GPHN: variants seen among roughly 807,000 people sequenced by gnomAD.
GPHN encodes gephyrin.
In GPHN, 17 loss-of-function variants were observed where a neutral mutation model predicts 95.5. That is an observed-to-expected ratio of 0.18 (90% CI 0.12 to 0.27). The LOEUF (loss-of-function observed/expected upper bound fraction) is 0.27. Ranked by LOEUF, GPHN falls within the 10% of genes least tolerant of loss-of-function variation. The pLI is 1.00. For missense variants in GPHN, 660 were observed against 978.1 expected, an observed-to-expected ratio of 0.67 and a Z score of 4.34; for synonymous variants, 320 against 322.5, an observed-to-expected ratio of 0.99 and a Z score of 0.08.
chr14:67,458,530 A>T, the GPHN span, among the ~76,000 whole-genome samples: 1 of 152,090 alleles, frequency 6.6e-6, no homozygotes, highest in African/African-American at 2.4e-5. Flanking sequence ...ATCTCGACTG[A>T]TACTAGTCAA....
chr14:66,548,060 T>G (rs2059667198), intron 1 of GPHN, among the ~76,000 whole-genome samples: 1 of 152,136 alleles, frequency 6.6e-6, no homozygotes, highest in Non-Finnish European at 1.5e-5. Flanking sequence ...TTTAACAACG[T>G]GTACTCACTT....
the GPHN span, chr14:67,382,597 T>G: frequency 4.8e-4 from 770 of 1,613,454 alleles, no homozygotes; most frequent in Non-Finnish European, 6.4e-4. Flanking sequence ...GGAGGTGAGA[T>G]CAATAGATTC....
At chr14:66,666,143 C>T (rs2065941151) in intron 1 of GPHN, among the ~76,000 whole-genome samples, 1 of 151,750 alleles carries the variant, frequency 6.6e-6, no homozygotes, top group Non-Finnish European at 1.5e-5. Context: ...GGAGATATAC[C>T]TAATGTAAAT....
chr14:66,591,630 A>G (rs2061653541), intron 1 of GPHN, among the ~76,000 whole-genome samples: 1 of 152,204 alleles, frequency 6.6e-6, no homozygotes, highest in Admixed American at 6.5e-5. Flanking sequence ...GTACAACTAC[A>G]AACCACTGCT....
chr14:66,616,823 G>A (rs988313877), intron 1 of GPHN, among the ~76,000 whole-genome samples: 5 of 151,940 alleles, frequency 3.3e-5, no homozygotes, highest in East Asian at 1.9e-4. Context: ...TTCTTCTGCC[G>A]CAGTCTCCCA....
chr14:66,518,609 G>A (rs6573680), intron 1 of GPHN, among the ~76,000 whole-genome samples: 77,854 of 151,870 alleles, frequency 0.51, 23,064 homozygotes, highest in African/African-American at 0.82. Flanking sequence ...AGATTAATGG[G>A]CAAAGAAATT....
chr14:66,531,322 A>T (rs1227525036), intron 1 of GPHN, among the ~76,000 whole-genome samples: 1 of 152,066 alleles, frequency 6.6e-6, no homozygotes, highest in East Asian at 1.9e-4. Context: ...ATTTTAAAAA[A>T]TTGCCAGGAG....
chr14:67,503,147 G>C, the GPHN span, among the ~76,000 whole-genome samples: 1 of 152,152 alleles, frequency 6.6e-6, no homozygotes, highest in South Asian at 2.1e-4. Flanking sequence ...ACTGTCCTTT[G>C]CATAAAAGCA....
chr14:67,434,786 G>T, the GPHN span, among the ~76,000 whole-genome samples: 1 of 152,102 alleles, frequency 6.6e-6, no homozygotes, highest in East Asian at 1.9e-4. Flanking sequence ...AATTTATAAA[G>T]AAAAGGGATT....
At chr14:66,925,571 T>G (rs2066442780) in intron 8 of GPHN, among the ~76,000 whole-genome samples, 1 of 152,210 alleles carries the variant, frequency 6.6e-6, no homozygotes, top group Admixed American at 6.5e-5. Flanking sequence ...TAACAGTGTC[T>G]TCCAGTTCCA....
chr14:67,659,397 G>T, the GPHN span, among the ~76,000 whole-genome samples: 1 of 151,578 alleles, frequency 6.6e-6, no homozygotes, highest in Admixed American at 6.6e-5. Flanking sequence ...AAGGAGAAAA[G>T]AAATTAGATC....
the GPHN span, chr14:67,347,474 C>T: frequency 2.2e-5 from 35 of 1,569,452 alleles, no homozygotes; most frequent in Non-Finnish European, 2.6e-5. Flanking sequence ...CAGAAGCATA[C>T]ATGGATTCAT....
At chr14:67,179,537 C>G (rs1467115003) in intron 21 of GPHN, 41 bp from the exon 22 acceptor site, 7 of 1,116,076 alleles carry the variant, frequency 6.3e-6, no homozygotes, top group Non-Finnish European at 9.6e-6. Flanking sequence ...GTGAGATGAT[C>G]AGGTGACCAA....
At chr14:66,606,218 A>G (rs879444588) in intron 1 of GPHN, among the ~76,000 whole-genome samples, 2 of 152,184 alleles carry the variant, frequency 1.3e-5, no homozygotes, top group Non-Finnish European at 2.9e-5. Context: ...GTGGCTAGAC[A>G]GTTATCCCAG....
intron 4 of GPHN, among the ~76,000 whole-genome samples, chr14:66,841,410 A>G (rs537717669): frequency 6.8e-4 from 104 of 152,336 alleles, no homozygotes; most frequent in African/African-American, 2.4e-3. Context: ...ATGAACTGAC[A>G]TATTTTAATG....
chr14:67,025,352 G>A (rs1433065020), intron 10 of GPHN, among the ~76,000 whole-genome samples: 1 of 152,060 alleles, frequency 6.6e-6, no homozygotes, highest in Non-Finnish European at 1.5e-5. Flanking sequence ...TTGCAAGCTG[G>A]CCCTGAAAAC....
At chr14:66,793,065 C>A (rs1160831200) in intron 3 of GPHN, among the ~76,000 whole-genome samples, 1 of 151,906 alleles carries the variant, frequency 6.6e-6, no homozygotes, top group African/African-American at 2.4e-5. Flanking sequence ...GCCCTCATTC[C>A]CGTAAACCCA....
chr14:67,258,188 A>C, the GPHN span, among the ~76,000 whole-genome samples: 1 of 152,042 alleles, frequency 6.6e-6, no homozygotes, highest in African/African-American at 2.4e-5. Flanking sequence ...GTAGATGGGA[A>C]GTCTATAGAA....
intron 2 of GPHN, among the ~76,000 whole-genome samples, chr14:66,682,159 C>T (rs189739085): frequency 6.6e-5 from 10 of 152,242 alleles, no homozygotes; most frequent in Admixed American, 3.3e-4. Context: ...TATATGATGT[C>T]GTGAGTTCAG....
Sources: gnomAD v4.1 joint callset for allele counts (sites outside exome capture counted in the v4.1 genomes callset) on GRCh38, gnomAD v4.1.1 for gene constraint, MANE v1.5 for transcripts, NCBI Gene and HGNC (gene_info 2026-07-23, HGNC 2026-07-21) for gene names.